ZC3H6: variants seen among roughly 807,000 people sequenced by gnomAD.
ZC3H6 encodes the protein zinc finger CCCH-type containing 6.
Under a neutral mutation model 107.7 loss-of-function variants are expected in ZC3H6, and 40 were observed. The ratio of observed to expected loss-of-function variants is 0.37; its 90% CI spans 0.29 to 0.48. ZC3H6 has a LOEUF of 0.48. Ranked by LOEUF, ZC3H6 falls within the 20% of genes least tolerant of loss-of-function variation. ZC3H6 has a pLI of 0.98. For missense variants in ZC3H6, 1,267 were observed against 1,410.4 expected (o/e 0.90, Z 1.63); for synonymous variants, 493 against 487.9 (o/e 1.01, Z -0.14).
intron 11 of ZC3H6, among the ~76,000 whole-genome samples, chr2:112,326,053 A>T (rs1676901574): frequency 6.6e-6 from 1 of 151,930 alleles, no homozygotes; most frequent in Admixed American, 6.6e-5. Flanking sequence ...TTTAAAATAT[A>T]TATATTTATA....
intron 5 of ZC3H6, among the ~76,000 whole-genome samples, chr2:112,313,656 T>C (rs566941228): frequency 2.6e-5 from 4 of 152,342 alleles, no homozygotes; most frequent in African/African-American, 9.6e-5. Context: ...TTATTGGCTA[T>C]CACGAGAGAC....
chr2:112,311,622 C>G (rs1314681200), intron 4 of ZC3H6, among the ~76,000 whole-genome samples, 182 bp from the exon 5 acceptor site: 1 of 152,026 alleles, frequency 6.6e-6, no homozygotes, highest in Non-Finnish European at 1.5e-5. Flanking sequence ...TGTTAACATC[C>G]CTTAAGAAGC....
In ZC3H6 at chr2:112,336,025, C is replaced by A. The variant is rs1282782446; in HGVS notation, c.*3537C>A. The A allele has an allele frequency of 1.3e-5, 2 of 152,168 alleles. No homozygotes were observed. Among genetic ancestry groups the A allele is most frequent in the Admixed American group, 6.5e-5 (1 of 15,280 alleles). The allele number at this position is 152,168 out of a possible 1,614,324, so 9.4% of individuals were successfully genotyped here. A position where few individuals can be genotyped will look rare whatever the true frequency, so the allele number is the denominator to read the frequency against. Reference sequence around the variant, plus strand: ...GCCAGCTCATTCAATATAAGAGCCACCAGCTCTTAGAAACAACAGATATAT... The same window carrying A: ...GCCAGCTCATTCAATATAAGAGCCAACAGCTCTTAGAAACAACAGATATAT... On this transcript the variant is annotated 3_prime_UTR_variant, in exon 12 of 12. Coordinates refer to ENST00000409871, the MANE Select transcript of ZC3H6 (RefSeq NM_198581.3).
At chr2:112,293,725 G>T (rs753705863) in intron 1 of ZC3H6, among the ~76,000 whole-genome samples, 4 of 152,204 alleles carry the variant, frequency 2.6e-5, no homozygotes, top group Non-Finnish European at 5.9e-5. Context: ...TGCTATTTAG[G>T]TTGAGGGAAA....
intron 1 of ZC3H6, among the ~76,000 whole-genome samples, chr2:112,295,700 T>C (rs988190484): frequency 6.6e-6 from 1 of 152,178 alleles, no homozygotes; most frequent in East Asian, 1.9e-4. Flanking sequence ...TACAAAAATA[T>C]ACAAGTTTAA....
At chr2:112,308,520 T>C (rs917464870) in intron 3 of ZC3H6, among the ~76,000 whole-genome samples, 5 of 150,286 alleles carry the variant, frequency 3.3e-5, no homozygotes, top group Non-Finnish European at 7.4e-5. Context: ...TCCTTTCACC[T>C]CCTGGATTCA....
chr2:112,288,665 TGCCACTTAAGTTTAAA>T (rs1316485091), intron 1 of ZC3H6, among the ~76,000 whole-genome samples: 1 of 152,246 alleles, frequency 6.6e-6, no homozygotes, highest in Non-Finnish European at 1.5e-5. Context: ...AGTTTTAACA[TGCCACTTAAGTTTAAA>T]GCCTTAAGTA....
chr2:112,287,845 G>A (rs1319960721), intron 1 of ZC3H6, among the ~76,000 whole-genome samples: 3 of 152,238 alleles, frequency 2.0e-5, no homozygotes, highest in Admixed American at 6.5e-5. Flanking sequence ...CTCGTGATCC[G>A]CCTGCCTTGG....
chr2:112,286,556 G>A (rs969002703), intron 1 of ZC3H6: 1 of 153,056 alleles, frequency 6.5e-6, no homozygotes, highest in Admixed American at 6.5e-5. Flanking sequence ...TCCTGCCTCA[G>A]CCTCCCAAGT....
chr2:112,331,465 C>T lies in ZC3H6; in HGVS notation c.2547C>T (p.Leu849=), dbSNP rs757799246. 1 of 1,613,876 alleles carries T rather than the reference C, an allele frequency of 6.2e-7. No homozygotes were observed. Among genetic ancestry groups the T allele is most frequent in the Non-Finnish European group, 8.5e-7 (1 of 1,179,872 alleles). Reference sequence around the variant, plus strand: ...TGGATGCCTCACCTGGCATAATGCTCCAGGATCCAAGGTCACAATTGAGAC... The same window carrying T: ...TGGATGCCTCACCTGGCATAATGCTTCAGGATCCAAGGTCACAATTGAGAC... ...IPLDASPGIM[L]QDPRSQLRQF... The change falls in exon 12 of 12, where the codon CTC becomes CTT. Residue 849 remains leucine, a synonymous_variant. Transcript: ENST00000409871.
chr2:112,289,441 C>G (rs1032789528), intron 1 of ZC3H6, among the ~76,000 whole-genome samples: 1 of 151,508 alleles, frequency 6.6e-6, no homozygotes, highest in Admixed American at 6.6e-5. Context: ...TCTCCTGCCT[C>G]AGCTTCCCAA....
chr2:112,310,179 GTC>G lies in ZC3H6; in HGVS notation c.613+20_613+21del. 1 of 1,607,206 alleles carries G rather than the reference GTC, an allele frequency of 6.2e-7. No individual in the cohort carries two copies. The highest frequency in any genetic ancestry group is 1.7e-5 in the Admixed American group (1 of 59,218). ...TCAGCAAGGTAAGTTTGAAATTACA[GTC>G]TGTCTTAGAATGTGAGAACCTTATT... On this transcript the variant is annotated intron_variant, in intron 4 of 11. Coordinates refer to ENST00000409871, the MANE Select transcript of ZC3H6 (RefSeq NM_198581.3).
intron 2 of ZC3H6, among the ~76,000 whole-genome samples, chr2:112,301,286 A>C (rs1676367455): frequency 6.6e-6 from 1 of 152,188 alleles, no homozygotes; most frequent in Non-Finnish European, 1.5e-5. Context: ...CCAAATATGA[A>C]TCAACCAAAT....
intron 3 of ZC3H6, among the ~76,000 whole-genome samples, chr2:112,305,269 T>C (rs1171279813): frequency 6.6e-6 from 1 of 152,208 alleles, no homozygotes; most frequent in Admixed American, 6.5e-5. Context: ...TTTGAAAATA[T>C]CAAGTAATGA....
At chr2:112,281,231 TACAAG>T (rs1466260309) in intron 1 of ZC3H6, among the ~76,000 whole-genome samples, 4 of 152,122 alleles carry the variant, frequency 2.6e-5, no homozygotes, top group Non-Finnish European at 4.4e-5. Context: ...AGAGCCCTGA[TACAAG>T]ACAACAATTC....
chr2:112,294,759 T>A (rs907212426), intron 1 of ZC3H6, among the ~76,000 whole-genome samples: 4 of 152,186 alleles, frequency 2.6e-5, no homozygotes, highest in African/African-American at 9.7e-5. Context: ...CATATCAGTT[T>A]GTAAAGATTT....
At chr2:112,322,979 A>T in intron 9 of ZC3H6, 77 bp downstream of exon 9, 5 of 1,423,506 alleles carry the variant, frequency 3.5e-6, no homozygotes, top group Non-Finnish European at 4.7e-6. Context: ...TCATACTCCA[A>T]GCTAATCATG....
At chr2:112,304,152 G>A in intron 3 of ZC3H6, among the ~76,000 whole-genome samples, 1 of 152,062 alleles carries the variant, frequency 6.6e-6, no homozygotes, top group East Asian at 1.9e-4. Context: ...TTTGGAAACA[G>A]AAAATGAGTA....
intron 11 of ZC3H6, among the ~76,000 whole-genome samples, chr2:112,330,131 C>T (rs1373347137): frequency 1.3e-5 from 2 of 151,450 alleles, no homozygotes; most frequent in Non-Finnish European, 2.9e-5. Flanking sequence ...CAGCTCACTG[C>T]GAGCTCCGCC....
Sources: allele counts gnomAD v4.1 joint callset (sites outside exome capture counted in the v4.1 genomes callset), GRCh38; gene constraint gnomAD v4.1.1; transcripts MANE v1.5; gene names NCBI Gene and HGNC (gene_info 2026-07-23, HGNC 2026-07-21).